Variants in NBAS observed in about 807,000 individuals in gnomAD.
NBAS encodes the protein NAG/BC035112 fusion.
A neutral mutation model predicts 302.5 loss-of-function variants in NBAS; 219 were observed. The observed-to-expected ratio is 0.72, with a 90% CI of 0.65 to 0.81. NBAS has a LOEUF of 0.81. NBAS is among the 30% of genes least tolerant of loss of function. The pLI, the probability that NBAS is intolerant of heterozygous loss-of-function variation, is 0.00. For synonymous variants in NBAS, 1,118 were observed against 1,021.6 expected, an observed-to-expected ratio of 1.09 and a Z score of -1.80; for missense variants, 2,932 against 2,841.6, an observed-to-expected ratio of 1.03 and a Z score of -0.72.
the NBAS span, among the ~76,000 whole-genome samples, chr2:15,139,889 A>G: frequency 6.6e-6 from 1 of 152,348 alleles, no homozygotes; most frequent in African/African-American, 2.4e-5. Flanking sequence ...TTTCAAATAC[A>G]GCCGCAGTAA....
At chr2:14,804,338 A>T in the NBAS span, among the ~76,000 whole-genome samples, 1 of 152,196 alleles carries the variant, frequency 6.6e-6, no homozygotes, top group African/African-American at 2.4e-5. Context: ...CATAGTGCTG[A>T]AGTGCTGTCT....
intron 9 of NBAS, among the ~76,000 whole-genome samples, chr2:15,526,472 T>C (rs963868916): frequency 2.6e-5 from 4 of 152,126 alleles, no homozygotes; most frequent in African/African-American, 9.7e-5. Context: ...ATTTATAAAA[T>C]CTTTGTGGAT....
At chr2:15,552,622 T>C (rs908137538) in intron 5 of NBAS, among the ~76,000 whole-genome samples, 18 of 152,162 alleles carry the variant, frequency 1.2e-4, no homozygotes, top group Non-Finnish European at 1.5e-4. Context: ...TGTTTAAAAA[T>C]AAAACACCTG....
At chr2:14,848,830 C>A in the NBAS span, among the ~76,000 whole-genome samples, 3 of 150,948 alleles carry the variant, frequency 2.0e-5, no homozygotes, top group South Asian at 6.3e-4. Flanking sequence ...ACACCTCACA[C>A]GGCAGGGTAT....
chr2:14,924,545 C>A, the NBAS span, among the ~76,000 whole-genome samples: 66 of 152,302 alleles, frequency 4.3e-4, no homozygotes, highest in Non-Finnish European at 7.9e-4. Flanking sequence ...AAAACAGTCC[C>A]CCCAATGGAG....
intron 21 of NBAS, 23 bp from the exon 22 acceptor site, chr2:15,427,817 T>A (rs749730036): frequency 3.8e-6 from 6 of 1,567,920 alleles, no homozygotes; most frequent in Non-Finnish European, 5.2e-6. Context: ...AAAAAATAAG[T>A]GTTTAAAATT....
rs1670079800 is a variant in NBAS at position 15,287,138 on chromosome 2, T to C, written c.5073A>G (p.Gln1691=). 2 of 1,614,056 alleles carry C rather than the reference T, an allele frequency of 1.2e-6. No homozygotes were observed. The highest frequency in any genetic ancestry group is 1.7e-6 in the Non-Finnish European group (2 of 1,179,960). Residue 1691 remains glutamine (Q), a synonymous_variant, in exon 42 of 52, where the codon CAA becomes CAG. Coordinates refer to ENST00000281513, the MANE Select transcript of NBAS (RefSeq NM_015909.4). ...CTTCCCAGCGGGAGACACTGTAACGTTGTGCCAGAGAAATAGCAATGCTGT... is the reference window on the plus strand; with the variant it reads ...CTTCCCAGCGGGAGACACTGTAACGCTGTGCCAGAGAAATAGCAATGCTGT... ...SVYSIAISLA[Q]RYSVSRWEVF... is the part of the protein sequence containing the mutation.
chr2:15,015,404 C>A, the NBAS span, among the ~76,000 whole-genome samples: 2 of 151,942 alleles, frequency 1.3e-5, no homozygotes, highest in Non-Finnish European at 2.9e-5. Context: ...ATACTAGCAA[C>A]CTGAATCCAA....
chr2:15,133,322 G>GC, the NBAS span, among the ~76,000 whole-genome samples: 2 of 151,762 alleles, frequency 1.3e-5, no homozygotes, highest in African/African-American at 4.8e-5. Flanking sequence ...GGACATAGCG[G>GC]GGGGGGGGCA....
the NBAS span, among the ~76,000 whole-genome samples, chr2:15,048,897 G>T: frequency 6.6e-6 from 1 of 152,220 alleles, no homozygotes; most frequent in African/African-American, 2.4e-5. Flanking sequence ...AGGCACTGTG[G>T]TCAGTGTGTG....
At chr2:15,206,120 G>C (rs949094503) in intron 48 of NBAS, among the ~76,000 whole-genome samples, 1 of 152,198 alleles carries the variant, frequency 6.6e-6, no homozygotes, top group Admixed American at 6.5e-5. Context: ...CCAAAATGCT[G>C]ATAGTGATAT....
intron 23 of NBAS, among the ~76,000 whole-genome samples, chr2:15,420,461 G>A (rs530624141): frequency 6.6e-6 from 1 of 152,244 alleles, no homozygotes; most frequent in South Asian, 2.1e-4. Flanking sequence ...AAAAAGCAAA[G>A]AAAGAAGCCA....
intron 30 of NBAS, among the ~76,000 whole-genome samples, chr2:15,374,933 A>G (rs1674661590): frequency 1.3e-5 from 2 of 152,272 alleles, no homozygotes; most frequent in South Asian, 4.1e-4. Flanking sequence ...CTAAAACTGA[A>G]ACTCACAGAA....
At chr2:14,959,623 T>C in the NBAS span, among the ~76,000 whole-genome samples, 4 of 152,232 alleles carry the variant, frequency 2.6e-5, no homozygotes, top group Non-Finnish European at 5.9e-5. Context: ...GCTGTGACAA[T>C]TCTTATACAT....
At chr2:14,944,551 G>T in the NBAS span, among the ~76,000 whole-genome samples, 2 of 152,084 alleles carry the variant, frequency 1.3e-5, no homozygotes, top group Non-Finnish European at 2.9e-5. Flanking sequence ...CACTTTCCAT[G>T]AAGGTATTAA....
intron 42 of NBAS, among the ~76,000 whole-genome samples, chr2:15,281,768 A>C (rs1019070782): frequency 2.6e-4 from 40 of 152,236 alleles, no homozygotes; most frequent in Non-Finnish European, 2.9e-5. Flanking sequence ...CACAGGCTAT[A>C]AACATACCAA....
At chr2:15,338,723 A>G (rs1249685812) in intron 35 of NBAS, among the ~76,000 whole-genome samples, 5 of 149,896 alleles carry the variant, frequency 3.3e-5, no homozygotes, top group Non-Finnish European at 7.4e-5. Flanking sequence ...CAAATTAGGT[A>G]TACTGGCCAG....
the NBAS span, among the ~76,000 whole-genome samples, chr2:15,089,233 C>T: frequency 4.6e-5 from 7 of 152,110 alleles, no homozygotes; most frequent in African/African-American, 1.2e-4. Context: ...CCTCCTGCTT[C>T]GGCCTCCCAG....
the NBAS span, among the ~76,000 whole-genome samples, chr2:15,010,004 G>A: frequency 6.6e-6 from 1 of 152,142 alleles, no homozygotes; most frequent in African/African-American, 2.4e-5. Context: ...GAGAAGAGGG[G>A]AAATTCTTCA....
Sources: allele counts gnomAD v4.1 joint callset (sites outside exome capture counted in the v4.1 genomes callset), GRCh38; gene constraint gnomAD v4.1.1; transcripts MANE v1.5; gene names NCBI Gene and HGNC (gene_info 2026-07-23, HGNC 2026-07-21).